SLC35F4: variants seen among roughly 807,000 people sequenced by gnomAD.
SLC35F4 encodes the protein solute carrier family 35 member F4, also known as chromosome 14 open reading frame 36.
A neutral mutation model predicts 44.2 loss-of-function variants in SLC35F4; 24 were observed. The observed-to-expected ratio is 0.54, with a 90% confidence interval of 0.39 to 0.76. The LOEUF is 0.76. Ranked by LOEUF, SLC35F4 falls within the 30% of genes least tolerant of loss-of-function variation. SLC35F4 has a pLI of 0.00. For synonymous variants in SLC35F4, 238 were observed against 223.6 expected, an observed-to-expected ratio of 1.06 and a Z score of -0.57; for missense variants, 562 against 586.1, an observed-to-expected ratio of 0.96 and a Z score of 0.42.
chr14:57,847,578 C>G (rs12434226), intron 1 of SLC35F4, among the ~76,000 whole-genome samples: 1 of 151,872 alleles, frequency 6.6e-6, no homozygotes, highest in African/African-American at 2.4e-5. Flanking sequence ...TCCTATAATA[C>G]AAGGTCATGT....
chr14:57,725,219 G>C (rs1185984454), intron 1 of SLC35F4, among the ~76,000 whole-genome samples: 1 of 152,162 alleles, frequency 6.6e-6, no homozygotes. Flanking sequence ...AGTGGCCATG[G>C]TGGCAGGGAT....
chr14:57,839,929 C>T (rs1011452128), intron 1 of SLC35F4, among the ~76,000 whole-genome samples: 5 of 152,098 alleles, frequency 3.3e-5, no homozygotes, highest in Non-Finnish European at 5.9e-5. Flanking sequence ...AGACTTCTTA[C>T]CTAAGACCTA....
At chr14:57,808,634 T>A (rs531067130) in intron 1 of SLC35F4, among the ~76,000 whole-genome samples, 1 of 149,526 alleles carries the variant, frequency 6.7e-6, no homozygotes, top group Admixed American at 6.6e-5. Flanking sequence ...CCCATTTCTA[T>A]AAAAAATTAA....
At chr14:57,750,735 G>T (rs540335750) in intron 1 of SLC35F4, among the ~76,000 whole-genome samples, 1 of 151,240 alleles carries the variant, frequency 6.6e-6, no homozygotes, top group African/African-American at 2.4e-5. Flanking sequence ...ATTTGGGTTT[G>T]TTGTTGTTGT....
chr14:57,880,093 GAA>G (rs1333635006), intron 1 of SLC35F4, among the ~76,000 whole-genome samples: 6 of 125,052 alleles, frequency 4.8e-5, no homozygotes, highest in East Asian at 3.0e-4. Context: ...AGGAAGGAAG[GAA>G]GGAAGGAAGG....
At position 57,753,945 on chromosome 14, in the gene SLC35F4, G is replaced by T. The variant is rs550324952; in HGVS notation, c.103+111778C>A. On this transcript the variant is annotated intron_variant, in intron 1 of 7. Transcript: ENST00000556826. ...AAGAAAGCTCTCTGTCCCCAAATGG[G>T]ACTGGCTCATGGGCAGCTCCATGGA... 2.0e-5 allele frequency among the ~76,000 whole-genome samples: 3 copies of T among 152,120 alleles called. No homozygotes were observed. The South Asian group carries it at 6.2e-4, about 32-fold the overall frequency.
At chr14:57,664,415 A>T (rs182961257) in intron 1 of SLC35F4, among the ~76,000 whole-genome samples, 1 of 152,092 alleles carries the variant, frequency 6.6e-6, no homozygotes, top group East Asian at 1.9e-4. Flanking sequence ...TTATTTATTT[A>T]ATTTTATTTT....
intron 1 of SLC35F4, among the ~76,000 whole-genome samples, chr14:57,844,197 A>C (rs1483131467): frequency 6.6e-6 from 1 of 152,210 alleles, no homozygotes; most frequent in Non-Finnish European, 1.5e-5. Flanking sequence ...AGGCCCAGCT[A>C]ATGTCAGAAA....
chr14:57,610,556 A>ACC (rs748810559), intron 1 of SLC35F4, among the ~76,000 whole-genome samples: 2 of 152,100 alleles, frequency 1.3e-5, no homozygotes, highest in Admixed American at 1.3e-4. Context: ...ACAGAATCTA[A>ACC]CCCTTCGGTT....
At chr14:57,655,141 C>G (rs1466502512) in intron 1 of SLC35F4, among the ~76,000 whole-genome samples, 3 of 152,118 alleles carry the variant, frequency 2.0e-5, no homozygotes, top group Non-Finnish European at 2.9e-5. Flanking sequence ...CTACTTAGAA[C>G]TGAGAGCCAT....
chr14:57,630,360 C>T, intron 1 of SLC35F4: 1 of 609,322 alleles, frequency 1.6e-6, no homozygotes. Context: ...TGGAAGACCA[C>T]ACATAGCAGA....
chr14:57,919,396 C>T (rs911231500), intron 1 of SLC35F4, among the ~76,000 whole-genome samples: 1 of 152,142 alleles, frequency 6.6e-6, no homozygotes, highest in Admixed American at 6.5e-5. Flanking sequence ...AAGGAAAAAG[C>T]AGTTAGGGAA....
In SLC35F4 at chr14:57,730,973, T is replaced by C. The variant is rs569999855; in HGVS notation, c.103+134750A>G. The stretch of plus-strand genomic sequence containing the variant: ...GTGTTAGGGGCAGTGGTAGCAGTTA[T>C]AGGTAGAATTGCCAAGGGAGAATAT... On this transcript the variant is annotated intron_variant, in intron 1 of 7. Transcript: ENST00000556826. 6.0e-4 allele frequency among the ~76,000 whole-genome samples: 92 copies of C among 152,334 alleles called. 1 individual carries two copies. Among genetic ancestry groups the C allele is most frequent in the East Asian group, 2.1e-3 (11 of 5,194 alleles).
intron 1 of SLC35F4, among the ~76,000 whole-genome samples, chr14:57,802,685 AC>A (rs752364046): frequency 6.6e-6 from 1 of 152,186 alleles, no homozygotes; most frequent in Non-Finnish European, 1.5e-5. Flanking sequence ...TGCTGTAAAT[AC>A]TTCTATGCAC....
chr14:57,817,720 C>T (rs928346066), intron 1 of SLC35F4, among the ~76,000 whole-genome samples: 1 of 152,040 alleles, frequency 6.6e-6, no homozygotes, highest in Non-Finnish European at 1.5e-5. Context: ...TCTGGCAAAG[C>T]CACCTGATTC....
At position 57,705,246 on chromosome 14, in the gene SLC35F4, G is replaced by T. The variant is rs2075642545; in HGVS notation, c.104-111122C>A. The stretch of plus-strand genomic sequence containing the variant: ...AACCTACTGCAAATGGAATCAAAAA[G>T]ATCTTATTTTACTCAATAATTGAAC... On this transcript the variant is annotated intron_variant, in intron 1 of 7. Transcript: ENST00000556826. Among the ~76,000 whole-genome samples the T allele has an allele frequency of 1.3e-5, 2 of 151,992 alleles. 1 individual carries two copies. Among genetic ancestry groups the T allele is most frequent in the Admixed American group, 1.3e-4 (2 of 15,240 alleles).
chr14:57,905,009 A>G (rs1889079768), intron 1 of SLC35F4, among the ~76,000 whole-genome samples: 1 of 152,174 alleles, frequency 6.6e-6, no homozygotes, highest in African/African-American at 2.4e-5. Context: ...GTATGTAACA[A>G]TAAGAATAAT....
intron 1 of SLC35F4, among the ~76,000 whole-genome samples, chr14:57,860,558 G>A (rs560161783): frequency 1.2e-4 from 18 of 152,180 alleles, no homozygotes; most frequent in South Asian, 8.3e-4. Context: ...TTGCTGGCAG[G>A]TTTAAGGATA....
chr14:57,671,782 T>C (rs2074531131), intron 1 of SLC35F4, among the ~76,000 whole-genome samples: 1 of 152,008 alleles, frequency 6.6e-6, no homozygotes. Flanking sequence ...TAGCCAGTGA[T>C]ATGATGGATG....
Sources: gnomAD v4.1 joint callset for allele counts (sites outside exome capture counted in the v4.1 genomes callset) on GRCh38, gnomAD v4.1.1 for gene constraint, MANE v1.5 for transcripts, NCBI Gene and HGNC (gene_info 2026-07-23, HGNC 2026-07-21) for gene names.